LPCAT1: variants seen among roughly 807,000 people sequenced by gnomAD.
LPCAT1 encodes the protein lysophosphatidylcholine acyltransferase 1, also known as 1-acylglycerol-3-phosphate O-acyltransferase.
In LPCAT1, 23 loss-of-function variants were observed where a neutral mutation model predicts 60.9. That is an observed-to-expected ratio of 0.38 (90% CI 0.27 to 0.53). The LOEUF (loss-of-function observed/expected upper bound fraction) is 0.53. LPCAT1 is among the 20% of genes least tolerant of loss of function. The pLI is 0.82. For synonymous variants in LPCAT1, 340 were observed against 301.1 expected (o/e 1.13, Z -1.34); for missense variants, 622 against 723.6 (o/e 0.86, Z 1.61).
intron 3 of LPCAT1, among the ~76,000 whole-genome samples, chr5:1,494,360 G>C (rs1168892474): frequency 6.6e-6 from 1 of 152,194 alleles, no homozygotes; most frequent in Non-Finnish European, 1.5e-5. Flanking sequence ...CAGAAAATGG[G>C]GCACAAGGCC....
At chr5:1,493,232 C>G (rs999705631) in intron 3 of LPCAT1, among the ~76,000 whole-genome samples, 2 of 152,356 alleles carry the variant, frequency 1.3e-5, no homozygotes, top group African/African-American at 4.8e-5. Flanking sequence ...CTGACCCAGG[C>G]AGACTCAGGC....
chr5:1,500,371 C>G (rs989281614), intron 2 of LPCAT1, among the ~76,000 whole-genome samples: 1 of 152,336 alleles, frequency 6.6e-6, no homozygotes, highest in Middle Eastern at 3.4e-3. Flanking sequence ...TTAAATGAAA[C>G]AAGAAAATAT....
Position 1,520,676 on chromosome 5 carries a change from C to T in LPCAT1, c.135+3034G>A, listed in dbSNP as rs551809829. ...GAGATCGAGACCATCCTGGCTAACA[C>T]GGTGAGACCCCATCTCTACTAAAAA... On this transcript the variant is annotated intron_variant, in intron 1 of 13. Coordinates refer to ENST00000283415, the MANE Select transcript of LPCAT1 (RefSeq NM_024830.5). Among the ~76,000 whole-genome samples the T allele has an allele frequency of 5.9e-5, 9 of 151,904 alleles. No homozygotes were observed. In the South Asian group the frequency reaches 6.2e-4, roughly 11 times the overall value.
In LPCAT1 at chr5:1,523,137, C is replaced by A. The variant is rs139433174; in HGVS notation, c.135+573G>T. Among the ~76,000 whole-genome samples the A allele has an allele frequency of 5.7e-3, 875 of 152,256 alleles. 5 individuals carry two copies. The highest frequency in any genetic ancestry group is 9.5e-3 in the Non-Finnish European group (644 of 67,970). ...ACCCGTGCGCCTACAGGGGACCCTA[C>A]AGGGGACCCGCACCGCCCGCGCGCC... On this transcript the variant is annotated intron_variant, in intron 1 of 13. Transcript: ENST00000283415. The surrounding 1 kb of genome is among the most constrained non-coding windows in gnomAD (Gnocchi z 7.1).
intron 4 of LPCAT1, 111 bp downstream of exon 4, chr5:1,489,635 G>A (rs1224997530): frequency 2.3e-6 from 2 of 851,892 alleles, no homozygotes; most frequent in East Asian, 4.8e-5. Context: ...TAGGAGAAGA[G>A]AATCAGAATC....
chr5:1,509,411 C>T (rs1187217788), intron 1 of LPCAT1, among the ~76,000 whole-genome samples: 2 of 152,256 alleles, frequency 1.3e-5, no homozygotes, highest in African/African-American at 2.4e-5. Flanking sequence ...AGAGGGCGAG[C>T]GGCAGCACAC....
At chr5:1,494,465 A>C in intron 3 of LPCAT1, among the ~76,000 whole-genome samples, 1 of 150,206 alleles carries the variant, frequency 6.7e-6, no homozygotes, top group East Asian at 2.0e-4. Flanking sequence ...CATTTCCAGC[A>C]AGTGGGGGTC....
intron 2 of LPCAT1, among the ~76,000 whole-genome samples, chr5:1,500,668 C>T (rs1314404675): frequency 6.6e-6 from 1 of 152,234 alleles, no homozygotes; most frequent in Non-Finnish European, 1.5e-5. Flanking sequence ...AGCAGGCCCA[C>T]TGGCCGGAGC....
intron 1 of LPCAT1, among the ~76,000 whole-genome samples, chr5:1,520,788 G>A (rs1185420801): frequency 6.7e-5 from 10 of 148,358 alleles, no homozygotes; most frequent in African/African-American, 1.5e-4. Context: ...GCGTGAACCC[G>A]GGAAGCAGAG....
chr5:1,507,374 A>T (rs1736219170), intron 1 of LPCAT1, among the ~76,000 whole-genome samples: 1 of 152,240 alleles, frequency 6.6e-6, no homozygotes, highest in Admixed American at 6.5e-5. Context: ...CCTAATGAGG[A>T]ACTTTGTCTG....
At chr5:1,500,090 C>T (rs554409577) in intron 2 of LPCAT1, among the ~76,000 whole-genome samples, 48 of 152,370 alleles carry the variant, frequency 3.2e-4, no homozygotes, top group African/African-American at 1.1e-3. Context: ...GGCCAGCGGG[C>T]GTGCCCGTGC....
intron 1 of LPCAT1, among the ~76,000 whole-genome samples, chr5:1,520,006 G>A (rs569582755): frequency 2.0e-5 from 3 of 152,342 alleles, no homozygotes; most frequent in South Asian, 2.1e-4. Context: ...GGGGCTGAGC[G>A]AAGAGCCAGT....
At chr5:1,471,762 A>G (rs1340040093) in intron 11 of LPCAT1, among the ~76,000 whole-genome samples, 6 of 151,696 alleles carry the variant, frequency 4.0e-5, no homozygotes, top group Non-Finnish European at 5.9e-5. Flanking sequence ...GGGAGCACAC[A>G]GGATAGGGGG....
In LPCAT1 at chr5:1,495,653, C is replaced by T. The variant is rs147879620; in HGVS notation, c.279-739G>A. The stretch of plus-strand genomic sequence containing the variant: ...GGAATTGACACGCAGCAGACAGCCA[C>T]GGTGTGTGAGAAGCCACAGGTCAGG... On this transcript the variant is annotated intron_variant, in intron 2 of 13. Coordinates refer to ENST00000283415, the MANE Select transcript of LPCAT1 (RefSeq NM_024830.5). The surrounding 1 kb of genome is among the most constrained non-coding windows in gnomAD (Gnocchi z 4.7). Among the ~76,000 whole-genome samples, 4 of 152,278 alleles carry T rather than the reference C, an allele frequency of 2.6e-5. No homozygotes were observed. Among genetic ancestry groups the T allele is most frequent in the Middle Eastern group, 3.4e-3 (1 of 294 alleles).
chr5:1,519,691 G>A (rs1030152619), intron 1 of LPCAT1, among the ~76,000 whole-genome samples: 25 of 152,256 alleles, frequency 1.6e-4, no homozygotes, highest in African/African-American at 6.0e-4. Context: ...AAGGATGACA[G>A]TGACCAGAGG....
chr5:1,506,550 T>G (rs2126602042), intron 1 of LPCAT1, among the ~76,000 whole-genome samples: 1 of 152,324 alleles, frequency 6.6e-6, no homozygotes. Flanking sequence ...CCCCAGGAGA[T>G]GCCAGTATGG....
At chr5:1,475,881 T>C (rs1579766391) in intron 9 of LPCAT1, among the ~76,000 whole-genome samples, 4 of 150,242 alleles carry the variant, frequency 2.7e-5, no homozygotes, top group African/African-American at 7.4e-5. Context: ...CGAGTGGGGC[T>C]GCACAGGCCC....
chr5:1,520,704 CA>C (rs762739291), intron 1 of LPCAT1, among the ~76,000 whole-genome samples: 2 of 149,720 alleles, frequency 1.3e-5, no homozygotes, highest in South Asian at 2.1e-4. Flanking sequence ...ACTAAAAATA[CA>C]AAAAAAAATT....
intron 12 of LPCAT1, among the ~76,000 whole-genome samples, chr5:1,468,674 CA>C (rs1240048668): frequency 6.6e-6 from 1 of 152,246 alleles, no homozygotes; most frequent in Non-Finnish European, 1.5e-5. Flanking sequence ...AGGTTTTACA[CA>C]GTAATGATAA....
Sources: gnomAD v4.1 joint callset for allele counts (sites outside exome capture counted in the v4.1 genomes callset) on GRCh38, gnomAD v4.1.1 for gene constraint, Gnocchi (gnomAD v3.1) non-coding constraint, MANE v1.5 for transcripts, NCBI Gene and HGNC (gene_info 2026-07-23, HGNC 2026-07-21) for gene names.